Variants in DSTN observed in about 807,000 individuals in gnomAD.
DSTN encodes destrin, actin depolymerizing factor, also known as destrin.
A neutral mutation model predicts 16.8 loss-of-function variants in DSTN; 10 were observed. The ratio of observed to expected loss-of-function variants is 0.60; its 90% CI spans 0.37 to 1.01. The LOEUF is 1.01. Among genes scored for constraint, DSTN ranks in the 50% least tolerant of loss-of-function variants. The probability of loss-of-function intolerance (pLI) is 0.01; values close to 1 mark genes in which losing one functional copy is unlikely to be tolerated. For missense variants in DSTN, 141 were observed against 196.7 expected, an observed-to-expected ratio of 0.72 and a Z score of 1.69; for synonymous variants, 57 against 58.9, an observed-to-expected ratio of 0.97 and a Z score of 0.14.
At chr20:17,601,694 GGGCA>G (rs1301426671) in intron 2 of DSTN, among the ~76,000 whole-genome samples, 1 of 152,144 alleles carries the variant, frequency 6.6e-6, no homozygotes, top group East Asian at 1.9e-4. Context: ...AAACTCTGTT[GGGCA>G]GTGTTACTCT....
intron 1 of DSTN, among the ~76,000 whole-genome samples, chr20:17,594,073 C>T (rs991960740): frequency 1.7e-5 from 2 of 116,416 alleles, no homozygotes; most frequent in African/African-American, 7.3e-5. Context: ...GAAGTGACAC[C>T]GTATCTCAAA....
intron 1 of DSTN, chr20:17,596,919 C>A: frequency 1.5e-6 from 1 of 668,908 alleles, no homozygotes; most frequent in Non-Finnish European, 1.8e-6. Context: ...GTTTGAGATG[C>A]TTAGATATTG....
Position 17,607,299 on chromosome 20 carries a change from C to T in DSTN, c.*153C>T. On this transcript the variant is annotated 3_prime_UTR_variant, in exon 4 of 4. Coordinates refer to ENST00000246069, the MANE Select transcript of DSTN (RefSeq NM_006870.4). ...TATTCTATAAACATATGCAAACAGCCCTAAATAAATCTAAAGTCTAAAGTT... is the reference window on the plus strand; with the variant it reads ...TATTCTATAAACATATGCAAACAGCTCTAAATAAATCTAAAGTCTAAAGTT... 1.9e-6 allele frequency: 1 copy of T among 537,314 alleles called. No homozygotes were observed. The highest frequency in any genetic ancestry group is 3.1e-6 in the Non-Finnish European group (1 of 325,804). The allele number at this position is 537,314 out of a possible 1,614,324, so 33.3% of individuals were successfully genotyped here.
chr20:17,591,752 A>C (rs1396207961), intron 1 of DSTN, among the ~76,000 whole-genome samples: 1 of 152,220 alleles, frequency 6.6e-6, no homozygotes, highest in Non-Finnish European at 1.5e-5. Context: ...AAAGGAACAA[A>C]TTTAATTCAG....
At chr20:17,581,415 C>A (rs1244144310) in intron 1 of DSTN, among the ~76,000 whole-genome samples, 1 of 152,116 alleles carries the variant, frequency 6.6e-6, no homozygotes, top group Non-Finnish European at 1.5e-5. Flanking sequence ...CCCAGGAGGT[C>A]GAGGCTATGG....
rs535148280 is a variant in DSTN at position 17,607,692 on chromosome 20, G to A, written c.*546G>A. 4.6e-5 allele frequency: 7 copies of A among 152,356 alleles called. No homozygotes were observed. Among genetic ancestry groups the A allele is most frequent in the Middle Eastern group, 3.4e-3 (1 of 294 alleles). The allele number at this position is 152,356 out of a possible 1,614,324, so 9.4% of individuals were successfully genotyped here. ...TCAAAATTGTGTCCACATAATCCAC[G>A]CTCATCTTGCAAAGCGCTATTTCAG... On this transcript the variant is annotated 3_prime_UTR_variant, in exon 4 of 4. Coordinates refer to ENST00000246069, the MANE Select transcript of DSTN (RefSeq NM_006870.4).
intron 1 of DSTN, among the ~76,000 whole-genome samples, chr20:17,575,220 G>A: frequency 6.6e-6 from 1 of 151,512 alleles, no homozygotes; most frequent in East Asian, 1.9e-4. Flanking sequence ...TCAAATTTTT[G>A]AGTTTTTATG....
rs1347486775 is a variant in DSTN, at chr20:17,607,117, A to ACT, written c.469_470insCT (p.Ile157ThrfsTer3). The ACT allele has an allele frequency of 6.2e-7, 1 of 1,612,830 alleles. No homozygotes were observed. The highest frequency in any genetic ancestry group is 8.5e-7 in the Non-Finnish European group (1 of 1,179,990). On this transcript the variant is annotated frameshift_variant, in exon 4 of 4. Coordinates refer to ENST00000246069, the MANE Select transcript of DSTN (RefSeq NM_006870.4). LOFTEE classifies it high-confidence loss of function. ...TGCTGAAAAGTTAGGTGGATCCTTA[A>ACT]TTGTAGCCTTTGAAGGATGCCCTGT...
chr20:17,577,578 A>C (rs1480878610), intron 1 of DSTN, among the ~76,000 whole-genome samples: 1 of 151,560 alleles, frequency 6.6e-6, no homozygotes, highest in Non-Finnish European at 1.5e-5. Context: ...AAAAAAAAAA[A>C]TCTTTAGAGG....
At chr20:17,574,860 C>CTTTTTTTTTTTTTTTTTTTTTTTTTTTTT (rs1410531139) in intron 1 of DSTN, among the ~76,000 whole-genome samples, 1 of 67,218 alleles carries the variant, frequency 1.5e-5, no homozygotes, top group African/African-American at 6.4e-5. Flanking sequence ...TTTTTCTTTT[C>CTTTTTTTTTTTTTTTTTTTTTTTTTTTTT]TTTTCTTTTG....
chr20:17,571,263 A>G (rs535367619), intron 1 of DSTN, among the ~76,000 whole-genome samples: 6 of 152,362 alleles, frequency 3.9e-5, no homozygotes, highest in African/African-American at 9.6e-5. Context: ...AGACTTTGCT[A>G]GAAATATTAC....
chr20:17,605,257 C>CT, intron 3 of DSTN: 1 of 444,234 alleles, frequency 2.3e-6, no homozygotes, highest in Non-Finnish European at 4.5e-6. Context: ...GCCCAAAGGC[C>CT]TGCACTGAGG....
chr20:17,570,504 C>G (rs765644756), intron 1 of DSTN, among the ~76,000 whole-genome samples: 1 of 152,170 alleles, frequency 6.6e-6, no homozygotes, highest in Non-Finnish European at 1.5e-5. Context: ...CCCGGCCTTG[C>G]AACAACTGGC....
At chr20:17,574,084 C>T (rs2035238975) in intron 1 of DSTN, among the ~76,000 whole-genome samples, 2 of 152,084 alleles carry the variant, frequency 1.3e-5, no homozygotes, top group South Asian at 4.2e-4. Context: ...TGTGCCTATA[C>T]TCCTAGCTAT....
chr20:17,597,948 G>T (rs1430202864), intron 1 of DSTN, among the ~76,000 whole-genome samples: 1 of 152,066 alleles, frequency 6.6e-6, no homozygotes, highest in East Asian at 1.9e-4. Context: ...CATGCAATAG[G>T]TGCCCTTTTC....
chr20:17,589,613 G>C (rs911181347), intron 1 of DSTN, among the ~76,000 whole-genome samples: 3 of 152,204 alleles, frequency 2.0e-5, no homozygotes, highest in African/African-American at 4.8e-5. Flanking sequence ...CAGCATGATT[G>C]TTCAGAAGCA....
Position 17,600,875 on chromosome 20 carries a change from C to A in DSTN, c.141C>A (p.Ile47=), listed in dbSNP as rs1600712354. ...GTCTCAGTGCAGACAAAAAGTGCAT[C>A]ATTGTAGAAGAAGGCAAAGAGATCT... is the stretch of plus-strand genomic sequence containing the variant. The part of the protein sequence containing the change: ...IFCLSADKKC[I]IVEEGKEILV... Residue 47 remains isoleucine (I), a synonymous_variant, in exon 2 of 4, where the codon ATC becomes ATA. Transcript: ENST00000246069. 1.2e-6 allele frequency: 2 copies of A among 1,613,700 alleles called. No homozygotes were observed. The highest frequency in any genetic ancestry group is 3.3e-5 in the Admixed American group (2 of 59,988).
chr20:17,587,058 A>T (rs1462993539), intron 1 of DSTN, among the ~76,000 whole-genome samples: 1 of 152,190 alleles, frequency 6.6e-6, no homozygotes, highest in East Asian at 1.9e-4. Flanking sequence ...CAATTTTCCC[A>T]GTTAATTGTA....
At position 17,580,770 on chromosome 20, in the gene DSTN, G is replaced by A. The variant is rs182407368; in HGVS notation, c.3+10559G>A. 2.0e-3 allele frequency among the ~76,000 whole-genome samples: 304 copies of A among 151,832 alleles called. 2 individuals are homozygous for A. Among genetic ancestry groups the A allele is most frequent in the Middle Eastern group, 3.4e-3 (1 of 292 alleles). On this transcript the variant is annotated intron_variant, in intron 1 of 3. Coordinates refer to ENST00000246069, the MANE Select transcript of DSTN (RefSeq NM_006870.4). Reference sequence around the variant, plus strand: ...TCTCAAAAAAAAAAAAAAATGGGAAGTACTGGAAGAGTTGGGCTACTTTAG... The same window carrying A: ...TCTCAAAAAAAAAAAAAAATGGGAAATACTGGAAGAGTTGGGCTACTTTAG...
Sources: allele counts gnomAD v4.1 joint callset (sites outside exome capture counted in the v4.1 genomes callset), GRCh38; gene constraint gnomAD v4.1.1; transcripts MANE v1.5; gene names NCBI Gene and HGNC (gene_info 2026-07-23, HGNC 2026-07-21).